Variants in AGBL4 observed in about 807,000 individuals in gnomAD.
AGBL4 encodes AGBL carboxypeptidase 4, also known as cytosolic carboxypeptidase 6.
Under a neutral mutation model 66.4 loss-of-function variants are expected in AGBL4, and 58 were observed. The observed-to-expected ratio is 0.87, with a 90% CI of 0.71 to 1.09. The LOEUF is 1.09. Among genes scored for constraint, AGBL4 ranks in the 50% least tolerant of loss-of-function variants. The pLI is 0.00. For synonymous variants in AGBL4, 234 were observed against 222.9 expected (o/e 1.05, Z -0.44); for missense variants, 579 against 631.0 (o/e 0.92, Z 0.88).
At chr1:49,080,004 A>T (rs1363069220) in intron 4 of AGBL4, among the ~76,000 whole-genome samples, 1 of 152,226 alleles carries the variant, frequency 6.6e-6, no homozygotes, top group Non-Finnish European at 1.5e-5. Context: ...ATTGTATGCC[A>T]GTAACTGTGT....
intron 6 of AGBL4, among the ~76,000 whole-genome samples, chr1:48,694,940 G>T (rs1249171349): frequency 6.6e-6 from 1 of 151,922 alleles, no homozygotes; most frequent in Non-Finnish European, 1.5e-5. Flanking sequence ...TCTGTCTCTT[G>T]ACCACATTAA....
chr1:48,571,223 G>A (rs1644558403), intron 11 of AGBL4, among the ~76,000 whole-genome samples: 1 of 152,192 alleles, frequency 6.6e-6, no homozygotes, highest in Admixed American at 6.5e-5. Flanking sequence ...GCCTGGAAGT[G>A]GCAAAACTAG....
chr1:50,004,279 G>T (rs1040077693), intron 1 of AGBL4, among the ~76,000 whole-genome samples: 3 of 152,128 alleles, frequency 2.0e-5, no homozygotes, highest in African/African-American at 7.2e-5. Flanking sequence ...CCATCCCAGT[G>T]GTTAGAACCT....
chr1:48,984,824 AAAG>A (rs1275141449), intron 5 of AGBL4, among the ~76,000 whole-genome samples: 1 of 151,984 alleles, frequency 6.6e-6, no homozygotes, highest in East Asian at 2.0e-4. Flanking sequence ...GAGTTAGTAA[AAAG>A]AAGGAGATAG....
intron 4 of AGBL4, among the ~76,000 whole-genome samples, chr1:49,122,316 G>A (rs111766461): frequency 5.2e-4 from 78 of 151,362 alleles, no homozygotes; most frequent in African/African-American, 1.7e-3. Context: ...GCTGCAGACC[G>A]GAGCTGTTCC....
In AGBL4 at chr1:49,380,175, A is replaced by G. The variant is rs560842865; in HGVS notation, c.283-134311T>C. Reference sequence around the variant, plus strand: ...AAGTCTCAGGATACAAAATCAATGTACAAAAATCACAAGCATTCTTATACA... The same window carrying G: ...AAGTCTCAGGATACAAAATCAATGTGCAAAAATCACAAGCATTCTTATACA... On this transcript the variant is annotated intron_variant, in intron 3 of 13. Coordinates refer to ENST00000371839, the MANE Select transcript of AGBL4 (RefSeq NM_032785.4). Among the ~76,000 whole-genome samples the G allele has an allele frequency of 5.0e-3, 765 of 152,252 alleles. 3 individuals are homozygous for G. Among genetic ancestry groups the G allele is most frequent in the Admixed American group, 8.2e-3 (126 of 15,276 alleles).
intron 3 of AGBL4, among the ~76,000 whole-genome samples, chr1:49,673,494 G>C (rs1037359302): frequency 3.3e-4 from 50 of 152,154 alleles, no homozygotes; most frequent in African/African-American, 1.1e-3. Context: ...ATGCATGACT[G>C]TAAGGATACC....
chr1:48,769,016 T>G (rs940225516), intron 6 of AGBL4, among the ~76,000 whole-genome samples: 16 of 152,160 alleles, frequency 1.1e-4, no homozygotes, highest in African/African-American at 1.7e-4. Context: ...AGACACCAAA[T>G]CGAGGCCTGC....
chr1:49,429,196 G>C (rs928030666), intron 3 of AGBL4, among the ~76,000 whole-genome samples: 1 of 152,046 alleles, frequency 6.6e-6, no homozygotes, highest in African/African-American at 2.4e-5. Context: ...TTTTTACTTT[G>C]TGGGTTATAC....
At chr1:49,219,377 T>C (rs1441795421) in intron 4 of AGBL4, among the ~76,000 whole-genome samples, 1 of 152,190 alleles carries the variant, frequency 6.6e-6, no homozygotes, top group South Asian at 2.1e-4. Context: ...TTTTCTCCTT[T>C]TATAATACAA....
chr1:49,094,203 A>G (rs998440419), intron 4 of AGBL4, among the ~76,000 whole-genome samples: 2 of 152,138 alleles, frequency 1.3e-5, no homozygotes, highest in Admixed American at 1.3e-4. Flanking sequence ...TATGGGCAGT[A>G]GGTTGAATAC....
intron 3 of AGBL4, among the ~76,000 whole-genome samples, chr1:49,641,105 T>C (rs1645772995): frequency 6.6e-6 from 1 of 152,148 alleles, no homozygotes; most frequent in African/African-American, 2.4e-5. Context: ...CTTTTACTTA[T>C]TCCATTTTGT....
intron 2 of AGBL4, among the ~76,000 whole-genome samples, chr1:49,773,464 GGGTGTCAACC>G (rs1200231284): frequency 1.3e-5 from 2 of 152,092 alleles, no homozygotes; most frequent in Non-Finnish European, 2.9e-5. Context: ...ATGGACCCTA[GGGTGTCAACC>G]GGAAACACTG....
chr1:48,779,178 G>A (rs1020056089), intron 6 of AGBL4, among the ~76,000 whole-genome samples: 1 of 152,102 alleles, frequency 6.6e-6, no homozygotes, highest in Non-Finnish European at 1.5e-5. Context: ...TTGAAGCTCC[G>A]GACTATGTTC....
chr1:48,837,711 C>CACACACTATA (rs1471719980), intron 6 of AGBL4, among the ~76,000 whole-genome samples: 1 of 82,298 alleles, frequency 1.2e-5, no homozygotes, highest in Non-Finnish European at 2.4e-5. Context: ...CACACACACA[C>CACACACTATA]TATATATATA....
At chr1:49,534,779 TTG>T (rs1254244851) in intron 3 of AGBL4, among the ~76,000 whole-genome samples, 1 of 152,172 alleles carries the variant, frequency 6.6e-6, no homozygotes, top group East Asian at 1.9e-4. Context: ...TTGACCTACT[TTG>T]TACAAAGGTC....
chr1:49,684,713 C>T (rs1646756280), intron 3 of AGBL4, among the ~76,000 whole-genome samples: 3 of 152,074 alleles, frequency 2.0e-5, no homozygotes, highest in Admixed American at 2.0e-4. Flanking sequence ...GTTTTTACCA[C>T]TTATTTCATG....
intron 3 of AGBL4, among the ~76,000 whole-genome samples, chr1:49,416,580 G>A (rs917817210): frequency 1.3e-5 from 2 of 152,068 alleles, no homozygotes; most frequent in African/African-American, 4.8e-5. Context: ...AAGAGTTTAG[G>A]CTGTGGAGTA....
intron 1 of AGBL4, among the ~76,000 whole-genome samples, chr1:49,943,492 C>T (rs1263815777): frequency 6.6e-6 from 1 of 152,114 alleles, no homozygotes. Flanking sequence ...GGGGATCATC[C>T]GCCCCTGAAC....
Sources: gnomAD v4.1 joint callset for allele counts (sites outside exome capture counted in the v4.1 genomes callset) on GRCh38, gnomAD v4.1.1 for gene constraint, MANE v1.5 for transcripts, NCBI Gene and HGNC (gene_info 2026-07-23, HGNC 2026-07-21) for gene names.